The following DLG2 variants were observed in gnomAD, a reference collection of about 807,000 sequenced individuals.
The protein encoded by DLG2 is discs large MAGUK scaffold protein 2, also known as disks large homolog 2.
DLG2 carries 45 observed loss-of-function variants against 132.5 expected under a neutral mutation model. The observed-to-expected ratio is 0.34, with a 90% confidence interval of 0.27 to 0.44. The LOEUF (loss-of-function observed/expected upper bound fraction) is 0.44, where lower values mean the gene tolerates loss of function less well. Ranked by LOEUF, DLG2 falls within the 20% of genes least tolerant of loss-of-function variation. DLG2 has a pLI of 1.00. For synonymous variants in DLG2, 424 were observed against 419.6 expected (o/e 1.01, Z -0.13); for missense variants, 1,045 against 1,196.9 (o/e 0.87, Z 1.87).
At chr11:85,441,748 A>G (rs1412072109) in intron 3 of DLG2, among the ~76,000 whole-genome samples, 2 of 152,164 alleles carry the variant, frequency 1.3e-5, no homozygotes, top group Non-Finnish European at 2.9e-5. Context: ...ACTAATGTAT[A>G]AAGGCACTGT....
At chr11:83,620,318 T>C (rs1292534832) in intron 19 of DLG2, among the ~76,000 whole-genome samples, 1 of 152,228 alleles carries the variant, frequency 6.6e-6, no homozygotes, top group Non-Finnish European at 1.5e-5. Context: ...TGTAACTTTT[T>C]GCATATCAAT....
At chr11:84,705,887 A>T (rs1243934098) in intron 6 of DLG2, among the ~76,000 whole-genome samples, 1 of 151,848 alleles carries the variant, frequency 6.6e-6, no homozygotes, top group Non-Finnish European at 1.5e-5. Flanking sequence ...TCAACCATTC[A>T]TTCAACAAAC....
intron 11 of DLG2, among the ~76,000 whole-genome samples, chr11:84,057,704 G>C (rs1448434014): frequency 2.0e-5 from 3 of 152,090 alleles, no homozygotes; most frequent in African/African-American, 7.2e-5. Flanking sequence ...TAATTTTGTT[G>C]GTCGGTCAGT....
intron 10 of DLG2, among the ~76,000 whole-genome samples, chr11:84,070,922 T>C (rs2096746815): frequency 1.3e-5 from 2 of 152,190 alleles, no homozygotes; most frequent in Admixed American, 1.3e-4. Flanking sequence ...ATTAATCTTA[T>C]CTCTTCCCCA....
Position 84,046,811 on chromosome 11 carries a change from G to C in DLG2, c.919+12504C>G, listed in dbSNP as rs1256725388. 3.3e-5 allele frequency among the ~76,000 whole-genome samples: 5 copies of C among 151,432 alleles called. No homozygotes were observed. The Admixed American group carries it at 3.3e-4, about 10-fold the overall frequency. On this transcript the variant is annotated intron_variant, in intron 11 of 27. Coordinates refer to ENST00000376104, the MANE Select transcript of DLG2 (RefSeq NM_001142699.3). ...GGTGTTCTTTACAGATATTAAAATA[G>C]ATTTCATTTTATCTTTCCTAGTAAG...
At chr11:85,577,327 G>C (rs955327897) in intron 3 of DLG2, among the ~76,000 whole-genome samples, 4 of 152,160 alleles carry the variant, frequency 2.6e-5, no homozygotes, top group South Asian at 2.1e-4. Flanking sequence ...AGAAATGGTA[G>C]GATTCCGGAC....
chr11:83,849,340 A>C (rs1163136751), intron 16 of DLG2, among the ~76,000 whole-genome samples: 1 of 148,680 alleles, frequency 6.7e-6, no homozygotes, highest in Middle Eastern at 3.3e-3. Flanking sequence ...AATAAATAAT[A>C]AACAAATAAA....
intron 7 of DLG2, among the ~76,000 whole-genome samples, chr11:84,503,384 T>C (rs1483427635): frequency 1.3e-5 from 2 of 152,118 alleles, no homozygotes; most frequent in Non-Finnish European, 2.9e-5. Flanking sequence ...GGTTGATGCA[T>C]AAAGATCAGA....
intron 7 of DLG2, among the ~76,000 whole-genome samples, chr11:84,294,512 C>T (rs987313180): frequency 3.3e-5 from 5 of 152,270 alleles, no homozygotes; most frequent in African/African-American, 1.2e-4. Context: ...GCAGAAGAAT[C>T]GCTTGAACCT....
intron 7 of DLG2, among the ~76,000 whole-genome samples, chr11:84,364,981 G>T (rs561088635): frequency 2.5e-3 from 387 of 152,016 alleles, no homozygotes; most frequent in Non-Finnish European, 3.3e-3. Flanking sequence ...CTCTTTTTTG[G>T]TTGTGTCTCT....
chr11:83,959,641 G>A (rs1462528099), intron 14 of DLG2, among the ~76,000 whole-genome samples: 4 of 151,980 alleles, frequency 2.6e-5, no homozygotes, highest in African/African-American at 9.7e-5. Flanking sequence ...GCGAATCTAC[G>A]GATGAGAAAA....
At chr11:83,853,542 A>G (rs1236146205) in intron 16 of DLG2, among the ~76,000 whole-genome samples, 5 of 152,174 alleles carry the variant, frequency 3.3e-5, no homozygotes, top group Non-Finnish European at 7.4e-5. Flanking sequence ...TAGAAATTAT[A>G]AGCCAGAACA....
At chr11:84,862,287 T>A (rs993040851) in intron 6 of DLG2, among the ~76,000 whole-genome samples, 6 of 152,126 alleles carry the variant, frequency 3.9e-5, no homozygotes, top group African/African-American at 1.4e-4. Context: ...CTCATGCCAG[T>A]TAGAATGGTG....
chr11:85,562,915 G>A (rs976479144), intron 3 of DLG2, among the ~76,000 whole-genome samples: 2 of 151,792 alleles, frequency 1.3e-5, no homozygotes, highest in Non-Finnish European at 2.9e-5. Context: ...ACATAGAGAA[G>A]GGAGTGCCTA....
At chr11:83,771,289 ACTC>A (rs1204192897) in intron 18 of DLG2, among the ~76,000 whole-genome samples, 1 of 152,170 alleles carries the variant, frequency 6.6e-6, no homozygotes, top group African/African-American at 2.4e-5. Flanking sequence ...AAACCCTACT[ACTC>A]CTTCTTTTGC....
intron 6 of DLG2, among the ~76,000 whole-genome samples, chr11:84,870,061 G>A (rs2085235677): frequency 6.6e-6 from 1 of 152,176 alleles, no homozygotes; most frequent in Non-Finnish European, 1.5e-5. Context: ...CCATGAAGCT[G>A]AGAAATACAC....
chr11:83,551,750 A>T (rs906963409), intron 19 of DLG2, among the ~76,000 whole-genome samples: 1 of 152,120 alleles, frequency 6.6e-6, no homozygotes, highest in African/African-American at 2.4e-5. Context: ...ATGGTTCCTT[A>T]CTCACCCAGG....
chr11:84,535,598 G>A (rs1207978121), intron 6 of DLG2, among the ~76,000 whole-genome samples: 1 of 152,136 alleles, frequency 6.6e-6, no homozygotes, highest in Non-Finnish European at 1.5e-5. Context: ...AGGGAACTCA[G>A]CCCTCTTCTT....
rs534886137 is a variant in DLG2, at chr11:85,558,654, G to A, written c.40+40003C>T. ...TGCCCTTTGCAATAACATGGACAGA[G>A]CTGAAGGCCATTATCCTAAGTAAAT... On this transcript the variant is annotated intron_variant, in intron 3 of 27. Transcript: ENST00000376104. Among the ~76,000 whole-genome samples, 105 of 151,964 alleles carry A rather than the reference G, an allele frequency of 6.9e-4. 1 individual carries two copies. The highest frequency in any genetic ancestry group is 2.5e-3 in the African/African-American group (102 of 41,538).
Sources: gnomAD v4.1 joint callset for allele counts (sites outside exome capture counted in the v4.1 genomes callset) on GRCh38, gnomAD v4.1.1 for gene constraint, MANE v1.5 for transcripts, NCBI Gene and HGNC (gene_info 2026-07-23, HGNC 2026-07-21) for gene names.